MYH11: variants seen among roughly 807,000 people sequenced by gnomAD.
MYH11 encodes myosin heavy chain 11.
In MYH11, 80 loss-of-function variants were observed where a neutral mutation model predicts 246.6. That is an observed-to-expected ratio of 0.32 (90% CI 0.27 to 0.39). MYH11 has a LOEUF of 0.39. Among genes scored for constraint, MYH11 ranks in the 10% least tolerant of loss-of-function variants. MYH11 has a pLI of 1.00. For synonymous variants in MYH11, 1,071 were observed against 1,015.5 expected, an observed-to-expected ratio of 1.05 and a Z score of -1.04; for missense variants, 2,158 against 2,546.8, an observed-to-expected ratio of 0.85 and a Z score of 3.29.
At chr16:15,855,455 G>A (rs1370793256) in intron 1 of MYH11, among the ~76,000 whole-genome samples, 1 of 152,228 alleles carries the variant, frequency 6.6e-6, no homozygotes, top group Non-Finnish European at 1.5e-5. Context: ...GTGGGGTCAA[G>A]GGTATGAACT....
At chr16:15,774,956 G>T (rs1029376405) in intron 8 of MYH11, among the ~76,000 whole-genome samples, 4 of 152,140 alleles carry the variant, frequency 2.6e-5, no homozygotes, top group African/African-American at 9.7e-5. Context: ...CCGACACAGC[G>T]AAGTTCTGAG....
Position 15,714,970 on chromosome 16 carries a change from C to T in MYH11, c.5725G>A (p.Glu1909Lys), listed in dbSNP as rs773460470. ...NRRKLQRELD[E>K]ATESNEAMGR... is the part of the protein sequence containing the mutation. Reference sequence around the variant, plus strand: ...ATGGCCTCGTTGCTCTCCGTGGCCTCATCCAGCTCCCGCTGCAGCTTCCTG... The same window carrying T: ...ATGGCCTCGTTGCTCTCCGTGGCCTTATCCAGCTCCCGCTGCAGCTTCCTG... Residue 1909 changes from glutamate (E) to lysine (K), a missense_variant, in exon 40 of 41, where the codon GAG becomes AAG. Around this residue, in one of 11 missense-constraint regions of MYH11, gnomAD observed 1,013 missense variants for 993.5 expected, o/e 1.02. Coordinates refer to ENST00000300036, the MANE Select transcript of MYH11 (RefSeq NM_002474.3). The T allele has an allele frequency of 1.2e-6, 2 of 1,614,132 alleles. No homozygotes were observed. Among genetic ancestry groups the T allele is most frequent in the South Asian group, 1.1e-5 (1 of 91,088 alleles).
In MYH11 at chr16:15,778,811, C is replaced by T. The variant is rs777977303; in HGVS notation, c.759G>A (p.Thr253=). The change falls in exon 7 of 41, where the codon ACG becomes ACA. Residue 253 remains threonine, a synonymous_variant. Transcript: ENST00000300036. ...GKFIRINFDV[T]GYIVGANIET... ...CAATGTTGGCTCCCACGATGTAACC[C>T]GTGACGTCGAAGTTGATGCGGATGA... 7 of 1,613,962 alleles carry T rather than the reference C, an allele frequency of 4.3e-6. No homozygotes were observed. The highest frequency in any genetic ancestry group is 1.6e-4 in the Middle Eastern group (1 of 6,084).
chr16:15,829,286 C>T (rs1418130638), intron 2 of MYH11, among the ~76,000 whole-genome samples: 2 of 152,186 alleles, frequency 1.3e-5, no homozygotes, highest in African/African-American at 4.8e-5. Context: ...TGACTTCCAT[C>T]CTCTTTGTTT....
chr16:15,718,844 A>G (rs2040313590), intron 36 of MYH11: 1 of 405,648 alleles, frequency 2.5e-6, no homozygotes, highest in East Asian at 5.5e-5. Flanking sequence ...ATGGGGGTCC[A>G]GGGCCAGGCA....
chr16:15,721,529 C>G lies in MYH11; in HGVS notation c.4471G>C (p.Ala1491Pro). The change falls in exon 32 of 41, where the codon GCC becomes CCC. Residue 1491 changes from alanine (A) to proline (P), a missense_variant. Ala to Pro is a conservative substitution (Grantham distance 27). Coordinates refer to ENST00000300036, the MANE Select transcript of MYH11 (RefSeq NM_002474.3). ...KETKALSLAR[A>P]LEEALEAKEE... ...TTGGCTTCCAAGGCCTCTTCAAGGG[C>G]CCGAGCCAGGGACAGGGCCTTGGTT... The G allele has an allele frequency of 6.2e-7, 1 of 1,614,222 alleles. No individual in the cohort carries two copies. Among genetic ancestry groups the G allele is most frequent in the Non-Finnish European group, 8.5e-7 (1 of 1,180,038 alleles).
At position 15,740,170 on chromosome 16, in the gene MYH11, C is replaced by T; in HGVS notation, c.2878G>A (p.Glu960Lys). ...TTCTGCCTGGCAGCTTCCTCCTCCT[C>T]CAGCTGTTCTTCAAGGTCCTTTGTT... ...QQMLDLEEQL[E>K]EEEAARQKLQ... Residue 960 changes from glutamate (E) to lysine (K), a missense_variant, in exon 23 of 41, where the codon GAG (glutamate) becomes AAG (lysine). Coordinates refer to ENST00000300036, the MANE Select transcript of MYH11 (RefSeq NM_002474.3). 1 of 1,614,194 alleles carries T rather than the reference C, an allele frequency of 6.2e-7. No individual in the cohort carries two copies. The highest frequency in any genetic ancestry group is 8.5e-7 in the Non-Finnish European group (1 of 1,180,032).
At chr16:15,727,198 T>G in intron 27 of MYH11, 144 bp from the exon 28 acceptor site, 5 of 728,242 alleles carry the variant, frequency 6.9e-6, no homozygotes, top group Non-Finnish European at 1.2e-5. Flanking sequence ...TTGGGGTTTT[T>G]TTGTTGTTAT....
chr16:15,722,092 C>G (rs1353273005), intron 31 of MYH11, among the ~76,000 whole-genome samples: 5 of 152,118 alleles, frequency 3.3e-5, no homozygotes. Flanking sequence ...TCCTGACCCT[C>G]AAGTGAGCCT....
rs1379238925 is a variant in MYH11 at position 15,717,245 on chromosome 16, T to G, written c.5399A>C (p.Lys1800Thr). 1 of 1,614,164 alleles carries G rather than the reference T, an allele frequency of 6.2e-7. No individual in the cohort carries two copies. The highest frequency in any genetic ancestry group is 8.5e-7 in the Non-Finnish European group (1 of 1,180,038). Residue 1800 changes from lysine (K) to threonine (T), a missense_variant, in exon 38 of 41, where the codon AAG becomes ACG. Lys to Thr is a moderately conservative substitution (Grantham distance 78). This residue lies in a region of MYH11 where 1,013 missense variants were observed against 993.5 expected (regional missense o/e 1.02). Transcript: ENST00000300036. ...LERQNKELRS[K>T]LHEMEGAVKS... is the part of the protein sequence containing the mutation. The stretch of plus-strand genomic sequence containing the variant: ...GACGGCCCCCTCCATCTCGTGGAGC[T>G]TGCTCCGGAGCTCCTTGTTCTGCCG...
At chr16:15,792,535 ATTCT>A (rs1174119872) in intron 4 of MYH11, 1 of 152,176 alleles carries the variant, frequency 6.6e-6, no homozygotes, top group African/African-American at 2.4e-5. Flanking sequence ...AGGGTCACGC[ATTCT>A]TTGTCACATC....
At chr16:15,792,798 T>C (rs1410911211) in intron 4 of MYH11, 4 of 152,214 alleles carry the variant, frequency 2.6e-5, no homozygotes, top group Admixed American at 2.0e-4. Flanking sequence ...GGTGCAGTCT[T>C]GGCTCAGTGC....
At position 15,721,600 on chromosome 16, in the gene MYH11, T is replaced by G; in HGVS notation, c.4400A>C (p.Tyr1467Ser). 6.2e-7 allele frequency: 1 copy of G among 1,614,074 alleles called. No homozygotes were observed. The highest frequency in any genetic ancestry group is 8.5e-7 in the Non-Finnish European group (1 of 1,180,012). The change falls in exon 32 of 41, where the codon TAC becomes TCC. Residue 1467 changes from tyrosine to serine, a missense_variant. By Grantham distance (144) the Tyr-to-Ser change is moderately radical. Coordinates refer to ENST00000300036, the MANE Select transcript of MYH11 (RefSeq NM_002474.3). ...LAEEKNISSK[Y>S]ADERDRAEAE... ...CTCAGCTCTGTCCCTCTCATCCGCG[T>G]ATTTGGAAGAGATGTTTTTCTCCTC...
chr16:15,729,628 G>A (rs1344500708), intron 27 of MYH11, among the ~76,000 whole-genome samples: 1 of 150,650 alleles, frequency 6.6e-6, no homozygotes. Flanking sequence ...TTGGCTCACT[G>A]CAACCTTTAC....
At chr16:15,807,030 A>C (rs1384677185) in intron 3 of MYH11, among the ~76,000 whole-genome samples, 1 of 152,064 alleles carries the variant, frequency 6.6e-6, no homozygotes, top group African/African-American at 2.4e-5. Flanking sequence ...TAGCACGATC[A>C]TAGCTAACTG....
rs571182378 is a variant in MYH11 at position 15,732,240 on chromosome 16, G to A, written c.3651+324C>T. Among the ~76,000 whole-genome samples the A allele has an allele frequency of 2.3e-4, 35 of 152,218 alleles. No homozygotes were observed. In the South Asian group the frequency reaches 6.2e-3, roughly 27 times the overall value. The stretch of plus-strand genomic sequence containing the variant: ...GGCCTCCCAAAGTGCTGGGATTACA[G>A]GCTTGAGCCACCACGCCTGGCCTAC... On this transcript the variant is annotated intron_variant, in intron 27 of 40. Coordinates refer to ENST00000300036, the MANE Select transcript of MYH11 (RefSeq NM_002474.3).
At position 15,718,730 on chromosome 16, in the gene MYH11, AAGC is replaced by A. The variant is rs1308088882; in HGVS notation, c.5172-295_5172-293del. 13 of 514,864 alleles carry A rather than the reference AAGC, an allele frequency of 2.5e-5. No individual in the cohort carries two copies. In the East Asian group the frequency reaches 4.5e-4, roughly 18 times the overall value. 31.9% of individuals were successfully genotyped at this position (514,864 alleles called of 1,614,324 possible). ...ACAGCTACTTATTGGGAATGAATGAAAGCAGCCACACCCCCAAACAGGCATGAA... is the reference window on the plus strand; with the variant it reads ...ACAGCTACTTATTGGGAATGAATGAAAGCCACACCCCCAAACAGGCATGAA... On this transcript the variant is annotated intron_variant, in intron 36 of 40. Coordinates refer to ENST00000300036, the MANE Select transcript of MYH11 (RefSeq NM_002474.3).
At chr16:15,718,622 C>G in intron 36 of MYH11, 184 bp from the exon 37 acceptor site, 2 of 896,488 alleles carry the variant, frequency 2.2e-6, no homozygotes, top group South Asian at 3.5e-5. Flanking sequence ...GGACTCAGGC[C>G]GGGTCCGTGT....
intron 40 of MYH11, among the ~76,000 whole-genome samples, chr16:15,710,565 G>A (rs973810053): frequency 1.3e-5 from 2 of 152,086 alleles, no homozygotes; most frequent in African/African-American, 2.4e-5. Context: ...CTGAGAAAGG[G>A]AAGCAGAGAC....
Sources: gnomAD v4.1 joint callset for allele counts (sites outside exome capture counted in the v4.1 genomes callset) on GRCh38, gnomAD v4.1.1 for gene constraint, gnomAD v4.1.1 regional missense constraint, MANE v1.5 for transcripts, NCBI Gene and HGNC (gene_info 2026-07-23, HGNC 2026-07-21) for gene names.